The following CACNA2D3 variants were observed in gnomAD, a reference collection of about 807,000 sequenced individuals.
The protein encoded by CACNA2D3 is calcium voltage-gated channel auxiliary subunit alpha2delta 3, also known as voltage-dependent calcium channel subunit alpha-2/delta-3.
Under a neutral mutation model 160.6 loss-of-function variants are expected in CACNA2D3, and 60 were observed. That is an observed-to-expected ratio of 0.37 (90% CI 0.30 to 0.46). The LOEUF (loss-of-function observed/expected upper bound fraction) is 0.46, where lower values mean the gene tolerates loss of function less well. CACNA2D3 is among the 20% of genes least tolerant of loss of function. The probability of loss-of-function intolerance (pLI) is 1.00; values close to 1 mark genes in which losing one functional copy is unlikely to be tolerated. For synonymous variants in CACNA2D3, 558 were observed against 492.9 expected (o/e 1.13, Z -1.75); for missense variants, 1,205 against 1,365.0 (o/e 0.88, Z 1.85).
chr3:54,189,570 T>C (rs1402163470), intron 2 of CACNA2D3, among the ~76,000 whole-genome samples: 11 of 151,976 alleles, frequency 7.2e-5, no homozygotes, highest in Admixed American at 7.2e-4. Context: ...GAATATGCTG[T>C]GTGAGGTGGA....
At chr3:54,758,349 T>C (rs1409931881) in intron 12 of CACNA2D3, among the ~76,000 whole-genome samples, 2 of 152,148 alleles carry the variant, frequency 1.3e-5, no homozygotes, top group Non-Finnish European at 2.9e-5. Context: ...TGTCCCTTGA[T>C]CTGAGGCTCA....
chr3:54,783,146 G>A (rs979975096), intron 13 of CACNA2D3, among the ~76,000 whole-genome samples: 1 of 152,090 alleles, frequency 6.6e-6, no homozygotes, highest in Non-Finnish European at 1.5e-5. Context: ...ATGCAAGAAG[G>A]TCTCCTGCAT....
intron 4 of CACNA2D3, among the ~76,000 whole-genome samples, chr3:54,479,940 A>G (rs1700905395): frequency 6.6e-6 from 1 of 152,092 alleles, no homozygotes; most frequent in African/African-American, 2.4e-5. Context: ...ACCCTTTTGG[A>G]GTTGATTCTG....
At chr3:54,827,705 G>A (rs532834151) in intron 14 of CACNA2D3, among the ~76,000 whole-genome samples, 1 of 152,342 alleles carries the variant, frequency 6.6e-6, no homozygotes, top group East Asian at 1.9e-4. Context: ...TAATGTGAAA[G>A]AGGGAGCACT....
At chr3:54,944,343 C>G (rs1203194450) in intron 27 of CACNA2D3, among the ~76,000 whole-genome samples, 1 of 151,908 alleles carries the variant, frequency 6.6e-6, no homozygotes, top group African/African-American at 2.4e-5. Flanking sequence ...ATATATCTTT[C>G]TACTTTTAAA....
chr3:54,571,485 G>A (rs1702495879), intron 8 of CACNA2D3, among the ~76,000 whole-genome samples: 1 of 152,026 alleles, frequency 6.6e-6, no homozygotes, highest in Non-Finnish European at 1.5e-5. Flanking sequence ...ACAATCTCCA[G>A]TTCTTTTTCT....
intron 3 of CACNA2D3, among the ~76,000 whole-genome samples, chr3:54,330,210 ATG>A (rs10591706): frequency 0.049 from 7,126 of 146,500 alleles, 439 homozygotes; most frequent in African/African-American, 0.15. Context: ...TTTAATTGAT[ATG>A]TGTGTGTGTG....
chr3:54,297,408 G>T (rs1703366017), intron 2 of CACNA2D3, among the ~76,000 whole-genome samples: 1 of 151,920 alleles, frequency 6.6e-6, no homozygotes, highest in African/African-American at 2.4e-5. Context: ...GGGGGTGTAG[G>T]ACAGATGCAG....
chr3:54,334,660 C>T (rs1314209815), intron 3 of CACNA2D3, among the ~76,000 whole-genome samples: 1 of 152,162 alleles, frequency 6.6e-6, no homozygotes, highest in African/African-American at 2.4e-5. Context: ...GCCCCAAGCC[C>T]AGGTCACACG....
chr3:54,522,977 C>G (rs1701670598), intron 5 of CACNA2D3, among the ~76,000 whole-genome samples: 1 of 152,038 alleles, frequency 6.6e-6, no homozygotes, highest in African/African-American at 2.4e-5. Flanking sequence ...TACTTACTGA[C>G]CAACCTACCT....
At chr3:54,477,833 G>A (rs1230146279) in intron 4 of CACNA2D3, among the ~76,000 whole-genome samples, 1 of 152,080 alleles carries the variant, frequency 6.6e-6, no homozygotes, top group Non-Finnish European at 1.5e-5. Context: ...TCCATGGCTG[G>A]AGCAGTTTTT....
At chr3:54,169,347 G>T (rs557283066) in intron 2 of CACNA2D3, among the ~76,000 whole-genome samples, 12 of 152,166 alleles carry the variant, frequency 7.9e-5, no homozygotes, top group African/African-American at 2.4e-4. Context: ...GATTTTTTTG[G>T]ATATAGTCCT....
intron 4 of CACNA2D3, among the ~76,000 whole-genome samples, chr3:54,410,116 G>A (rs4974363): frequency 2.0e-5 from 3 of 151,810 alleles, no homozygotes; most frequent in Non-Finnish European, 4.4e-5. Context: ...TTTGGGAGGC[G>A]AAGGTGGACA....
At chr3:54,249,588 C>CACACACACCA (rs58638743) in intron 2 of CACNA2D3, among the ~76,000 whole-genome samples, 1 of 147,480 alleles carries the variant, frequency 6.8e-6, no homozygotes, top group Non-Finnish European at 1.5e-5. Context: ...CACACACACA[C>CACACACACCA]CAGGCTACAT....
chr3:54,468,253 G>T (rs543676773), intron 4 of CACNA2D3, among the ~76,000 whole-genome samples: 88 of 152,296 alleles, frequency 5.8e-4, no homozygotes, highest in African/African-American at 2.1e-3. Flanking sequence ...ATTGGGACTG[G>T]TTGGACAGTG....
At chr3:54,893,560 T>C (rs1225183546) in intron 25 of CACNA2D3, among the ~76,000 whole-genome samples, 1 of 152,040 alleles carries the variant, frequency 6.6e-6, no homozygotes, top group Non-Finnish European at 1.5e-5. Flanking sequence ...GCTTAGAAAG[T>C]TTTTAGCATT....
intron 2 of CACNA2D3, among the ~76,000 whole-genome samples, chr3:54,302,131 A>G (rs907795087): frequency 2.6e-5 from 4 of 152,180 alleles, no homozygotes; most frequent in Admixed American, 2.0e-4. Flanking sequence ...TGAGTATTGC[A>G]TTCAATTTTA....
chr3:54,381,997 C>T (rs1699110633), intron 3 of CACNA2D3, among the ~76,000 whole-genome samples: 1 of 152,158 alleles, frequency 6.6e-6, no homozygotes, highest in African/African-American at 2.4e-5. Context: ...TAAGGAAAAG[C>T]TTTGGCATTA....
intron 31 of CACNA2D3, among the ~76,000 whole-genome samples, chr3:54,999,621 T>C (rs1702936951): frequency 6.6e-6 from 1 of 152,192 alleles, no homozygotes; most frequent in Non-Finnish European, 1.5e-5. Context: ...AGTGAGCTAA[T>C]TTGATGAATC....
Sources: gnomAD v4.1 joint callset for allele counts (sites outside exome capture counted in the v4.1 genomes callset) on GRCh38, gnomAD v4.1.1 for gene constraint, MANE v1.5 for transcripts, NCBI Gene and HGNC (gene_info 2026-07-23, HGNC 2026-07-21) for gene names.